The following SLC66A2 variants were observed in gnomAD, a reference collection of about 807,000 sequenced individuals.
SLC66A2 encodes solute carrier family 66 member 2.
A neutral mutation model predicts 25.5 loss-of-function variants in SLC66A2; 23 were observed. The ratio of observed to expected loss-of-function variants is 0.90; its 90% CI spans 0.65 to 1.28. The LOEUF (loss-of-function observed/expected upper bound fraction) is 1.28. Ranked by LOEUF, SLC66A2 falls within the 50% of genes most tolerant of loss-of-function variation. SLC66A2 has a pLI of 0.00. For synonymous variants in SLC66A2, 193 were observed against 166.5 expected, an observed-to-expected ratio of 1.16 and a Z score of -1.23; for missense variants, 396 against 373.1, an observed-to-expected ratio of 1.06 and a Z score of -0.51.
chr18:79,932,953 A>T (rs1986717561), intron 4 of SLC66A2, among the ~76,000 whole-genome samples: 1 of 152,236 alleles, frequency 6.6e-6, no homozygotes, highest in Non-Finnish European at 1.5e-5. Context: ...CTTATTCTAT[A>T]AGGCCAGTAT....
intron 3 of SLC66A2, among the ~76,000 whole-genome samples, chr18:79,934,225 C>T (rs1396967901): frequency 6.6e-6 from 1 of 151,964 alleles, no homozygotes; most frequent in Non-Finnish European, 1.5e-5. Flanking sequence ...GCAAACCTAA[C>T]CTCTTCCAAT....
chr18:79,939,891 C>T (rs1211000820), intron 3 of SLC66A2, among the ~76,000 whole-genome samples: 2 of 152,148 alleles, frequency 1.3e-5, no homozygotes, highest in Admixed American at 6.5e-5. Context: ...GAATATAAAT[C>T]GCTCTACTAT....
At chr18:79,939,859 C>T (rs746627333) in intron 3 of SLC66A2, among the ~76,000 whole-genome samples, 6 of 152,164 alleles carry the variant, frequency 3.9e-5, no homozygotes, top group Non-Finnish European at 8.8e-5. Flanking sequence ...CCAACAATCC[C>T]GGTACTGGGT....
intron 4 of SLC66A2, among the ~76,000 whole-genome samples, chr18:79,929,766 A>C (rs1156335322): frequency 6.6e-6 from 1 of 152,210 alleles, no homozygotes; most frequent in East Asian, 1.9e-4. Context: ...AAATTCTAAA[A>C]AAAAAGAACC....
intron 2 of SLC66A2, among the ~76,000 whole-genome samples, chr18:79,949,991 T>C (rs566208328): frequency 3.3e-5 from 5 of 152,200 alleles, no homozygotes; most frequent in African/African-American, 1.2e-4. Flanking sequence ...CTAATACAAA[T>C]ACAAAGAGGA....
At chr18:79,944,703 G>A (rs1988017798) in intron 2 of SLC66A2, 1 of 152,416 alleles carries the variant, frequency 6.6e-6, no homozygotes, top group Non-Finnish European at 1.5e-5. Flanking sequence ...TTCAAAACTT[G>A]AACTGGTCAC....
Position 79,937,089 on chromosome 18 carries a change from A to T in SLC66A2, c.338-3067T>A, listed in dbSNP as rs1228534915. ...TTGGTGTCCACTCATGAAGTATTTC[A>T]CCTCACCAAAAAAAACTCCCTAGCT... On this transcript the variant is annotated intron_variant, in intron 3 of 5. Transcript: ENST00000397778. The surrounding 1 kb of genome is among the most constrained non-coding windows in gnomAD (Gnocchi z 5.4). Among the ~76,000 whole-genome samples, 1 of 152,110 alleles carries T rather than the reference A, an allele frequency of 6.6e-6. No homozygotes were observed. Among genetic ancestry groups the T allele is most frequent in the Non-Finnish European group, 1.5e-5 (1 of 68,008 alleles).
chr18:79,919,169 G>A lies in SLC66A2; in HGVS notation c.608+15C>T, dbSNP rs1984661013. On this transcript the variant is annotated intron_variant, in intron 5 of 5. Transcript: ENST00000397778. ...CTGGAGCAGTGGTGCTTCCGTGGCG[G>A]CATCCCCGGCCTACCTCATGCCCTC... is the stretch of plus-strand genomic sequence containing the variant. 1.9e-6 allele frequency: 3 copies of A among 1,609,382 alleles called. No homozygotes were observed. The highest frequency in any genetic ancestry group is 2.2e-5 in the East Asian group (1 of 44,818).
Position 79,918,920 on chromosome 18 carries a change from G to T in SLC66A2, c.608+264C>A, listed in dbSNP as rs575880648. Among the ~76,000 whole-genome samples the T allele has an allele frequency of 1.8e-3, 281 of 152,330 alleles. 1 individual carries two copies. Among genetic ancestry groups the T allele is most frequent in the Middle Eastern group, 0.01 (3 of 294 alleles). Reference sequence around the variant, plus strand: ...ACTCGGACATCCCTCCCACTGGAAGGTTCCGTCTCAACGGCCCTGAAGGAG... The same window carrying T: ...ACTCGGACATCCCTCCCACTGGAAGTTTCCGTCTCAACGGCCCTGAAGGAG... On this transcript the variant is annotated intron_variant, in intron 5 of 5. Transcript: ENST00000397778. The surrounding 1 kb of genome is among the most constrained non-coding windows in gnomAD (Gnocchi z 4.0).
rs931747024 is a variant in SLC66A2, at chr18:79,950,904, C to A, written c.23G>T (p.Trp8Leu). The A allele has an allele frequency of 2.5e-6, 4 of 1,586,614 alleles. No homozygotes were observed. The East Asian group carries it at 9.4e-5, about 37-fold the overall frequency. The change falls in exon 2 of 6, where the codon TGG becomes TTG. Residue 8 changes from tryptophan to leucine, a missense_variant. Transcript: ENST00000397778. ...CAGCTGGTGCAGTGGCACCAGGAGC[C>A]AGTCCAGGCCCTCGGCCTCCATCGC... Reference protein sequence around the residue: MEAEGLDWLLVPLHQLVS... With the variant: MEAEGLDLLLVPLHQLVS...
Position 79,904,233 on chromosome 18 carries a change from G to C in SLC66A2, c.609-50C>G. 1 of 1,543,920 alleles carries C rather than the reference G, an allele frequency of 6.5e-7. No homozygotes were observed. Among genetic ancestry groups the C allele is most frequent in the Non-Finnish European group, 8.9e-7 (1 of 1,119,556 alleles). On this transcript the variant is annotated intron_variant, in intron 5 of 5. Transcript: ENST00000397778. This position sits in a 1 kb window ranked among gnomAD's most constrained non-coding sequence, Gnocchi z 6.3. The stretch of plus-strand genomic sequence containing the variant: ...AGCGGTGGGGAGGGCGGCGACCTGG[G>C]CTCAGTCAGTGGGGAGGCCTGGGGC...
Position 79,917,872 on chromosome 18 carries a change from C to T in SLC66A2, c.608+1312G>A, listed in dbSNP as rs1429107608. ...AACCTGTACCTACCTCACACCATGCCAGCACCCCACACCTGACCCATGCCC... is the reference window on the plus strand; with the variant it reads ...AACCTGTACCTACCTCACACCATGCTAGCACCCCACACCTGACCCATGCCC... On this transcript the variant is annotated intron_variant, in intron 5 of 5. Transcript: ENST00000397778. This position sits in a 1 kb window ranked among gnomAD's most constrained non-coding sequence, Gnocchi z 6.0. 6.6e-6 allele frequency among the ~76,000 whole-genome samples: 1 copy of T among 151,838 alleles called. No homozygotes were observed. The highest frequency in any genetic ancestry group is 2.4e-5 in the African/African-American group (1 of 41,290).
At chr18:79,909,074 C>T (rs192747038) in intron 5 of SLC66A2, among the ~76,000 whole-genome samples, 1 of 152,354 alleles carries the variant, frequency 6.6e-6, no homozygotes, top group East Asian at 1.9e-4. Context: ...GAACATTATG[C>T]AGTGAGATGT....
intron 4 of SLC66A2, among the ~76,000 whole-genome samples, chr18:79,926,483 G>C (rs1057402621): frequency 4.6e-5 from 7 of 151,964 alleles, no homozygotes; most frequent in Admixed American, 2.0e-4. Context: ...GGGCACATCA[G>C]ACCCCTGCAG....
In SLC66A2 at chr18:79,904,166, A is replaced by G; in HGVS notation, c.626T>C (p.Met209Thr). Residue 209 changes from methionine (M) to threonine (T), a missense_variant, in exon 6 of 6, where the codon ATG becomes ACG. By Grantham distance (81) the Met-to-Thr change is moderately conservative. Coordinates refer to ENST00000397778, the MANE Select transcript of SLC66A2 (RefSeq NM_025078.5). The surrounding 1 kb of genome is among the most constrained non-coding windows in gnomAD (Gnocchi z 6.3). ...CTTGAAGGCGTCACCACTGGTCCACATGAGCACCATCTTGATGCTGTGGAG... is the reference window on the plus strand; with the variant it reads ...CTTGAAGGCGTCACCACTGGTCCACGTGAGCACCATCTTGATGCTGTGGAG... ...TEGMSIKMVL[M>T]WTSGDAFKTA... 3 of 1,612,862 alleles carry G rather than the reference A, an allele frequency of 1.9e-6. No homozygotes were observed. The highest frequency in any genetic ancestry group is 2.2e-5 in the East Asian group (1 of 44,858).
chr18:79,912,249 C>A (rs574822517), intron 5 of SLC66A2, among the ~76,000 whole-genome samples: 2 of 151,320 alleles, frequency 1.3e-5, no homozygotes, highest in East Asian at 3.9e-4. Context: ...GATTCCACCC[C>A]CAGGTAGAAG....
Position 79,918,450 on chromosome 18 carries a change from C to G in SLC66A2, c.608+734G>C, listed in dbSNP as rs1984537811. 7.3e-6 allele frequency among the ~76,000 whole-genome samples: 1 copy of G among 137,890 alleles called. No homozygotes were observed. The highest frequency in any genetic ancestry group is 2.6e-5 in the African/African-American group (1 of 38,292). 90.5% of individuals were successfully genotyped at this position (137,890 alleles called of 152,430 possible). A position where few individuals can be genotyped will look rare whatever the true frequency, so the allele number is the denominator to read the frequency against. ...GGGGGTCCCCAGTGAGGAGCGGGCA[C>G]CGGGGAGGGTCCCCAGTGAGGAGCG... On this transcript the variant is annotated intron_variant, in intron 5 of 5. Coordinates refer to ENST00000397778, the MANE Select transcript of SLC66A2 (RefSeq NM_025078.5). This position sits in a 1 kb window ranked among gnomAD's most constrained non-coding sequence, Gnocchi z 4.0.
intron 4 of SLC66A2, among the ~76,000 whole-genome samples, chr18:79,924,331 C>T (rs886838044): frequency 6.6e-6 from 1 of 152,160 alleles, no homozygotes; most frequent in Non-Finnish European, 1.5e-5. Flanking sequence ...AAGCCAGACA[C>T]GGGAACCACA....
chr18:79,945,622 CAA>C lies in SLC66A2; in HGVS notation c.204-2162_204-2161del, dbSNP rs1466630284. 5.9e-5 allele frequency among the ~76,000 whole-genome samples: 9 copies of C among 152,286 alleles called. No individual in the cohort carries two copies. The East Asian group carries it at 1.7e-3, about 29-fold the overall frequency. On this transcript the variant is annotated intron_variant, in intron 2 of 5. Coordinates refer to ENST00000397778, the MANE Select transcript of SLC66A2 (RefSeq NM_025078.5). ...CCCGGGGATAGAGGACGGCCAGCAG[CAA>C]AGAGGCAGCTTGAACAGGGTTTTCT... is the stretch of plus-strand genomic sequence containing the variant.
Sources: allele counts gnomAD v4.1 joint callset (sites outside exome capture counted in the v4.1 genomes callset), GRCh38; gene constraint gnomAD v4.1.1; non-coding constraint Gnocchi (gnomAD v3.1); transcripts MANE v1.5; gene names NCBI Gene and HGNC (gene_info 2026-07-23, HGNC 2026-07-21).